PEF1: variants seen among roughly 807,000 people sequenced by gnomAD.
PEF1 encodes the protein peflin.
A neutral mutation model predicts 32.0 loss-of-function variants in PEF1; 17 were observed. The observed-to-expected ratio is 0.53, with a 90% CI of 0.36 to 0.80. The LOEUF is 0.80. PEF1 is among the 30% of genes least tolerant of loss of function. The pLI, the probability that PEF1 is intolerant of heterozygous loss-of-function variation, is 0.00. For missense variants in PEF1, 362 were observed against 369.1 expected (o/e 0.98, Z 0.16); for synonymous variants, 130 against 139.8 (o/e 0.93, Z 0.50).
intron 4 of PEF1, 94 bp downstream of exon 4, chr1:31,632,401 C>T (rs537267100): frequency 7.6e-6 from 12 of 1,588,436 alleles, no homozygotes; most frequent in African/African-American, 5.4e-5. Context: ...GGTGGACATT[C>T]GGTAACAAGA....
chr1:31,635,250 A>G lies in PEF1; in HGVS notation c.297T>C (p.Gly99=). The change falls in exon 2 of 5, where the codon GGT becomes GGC. Residue 99 remains glycine, a synonymous_variant. Coordinates refer to ENST00000373703, the MANE Select transcript of PEF1 (RefSeq NM_012392.4). ...GTCCATAAAGCCCAGGCTGCTGGGC[A>G]CCGTAGGAACTTGGAGGTGGCTGAC... ...PYGQPPPSSY[G]AQQPGLYGQG... 6.2e-7 allele frequency: 1 copy of G among 1,614,156 alleles called. No homozygotes were observed. Among genetic ancestry groups the G allele is most frequent in the Non-Finnish European group, 8.5e-7 (1 of 1,180,016 alleles).
rs998840869 is a variant in PEF1 at position 31,632,604 on chromosome 1, A to G, written c.516T>C (p.Asp172=). 6.2e-6 allele frequency: 10 copies of G among 1,614,066 alleles called. No homozygotes were observed. In the Middle Eastern group the frequency reaches 6.6e-4, roughly 106 times the overall value. The change falls in exon 4 of 5, where the codon GAT becomes GAC. Residue 172 remains aspartate, a synonymous_variant. Coordinates refer to ENST00000373703, the MANE Select transcript of PEF1 (RefSeq NM_012392.4). The part of the protein sequence containing the change: ...MFDKTKSGRI[D]VYGFSALWKF... ...TCCACAGGGCTGAGAAGCCGTAGAC[A>G]TCGATGCGGCCTGACTTGGTCTTGT...
intron 1 of PEF1, among the ~76,000 whole-genome samples, chr1:31,641,934 A>G (rs1640400280): frequency 6.6e-6 from 1 of 152,224 alleles, no homozygotes; most frequent in Admixed American, 6.5e-5. Flanking sequence ...ACCCCATTCT[A>G]AAGAAGGGAA....
At chr1:31,642,157 C>A (rs113230821) in intron 1 of PEF1, among the ~76,000 whole-genome samples, 1 of 152,186 alleles carries the variant, frequency 6.6e-6, no homozygotes, top group Non-Finnish European at 1.5e-5. Context: ...TGCTTGAACC[C>A]GGGAGACGGA....
rs949458541 is a variant in PEF1, at chr1:31,635,516, G to T, written c.31C>A (p.Pro11Thr). MASYPYRQGCPGAAGQAPGAP... is the reference protein window; with the variant it reads MASYPYRQGCTGAAGQAPGAP... Reference sequence around the variant, plus strand: ...CCTGGTGCTTGTCCTGCAGCTCCTGGGCAGCCCTGCAGGAAGAGCAAGATA... The same window carrying T: ...CCTGGTGCTTGTCCTGCAGCTCCTGTGCAGCCCTGCAGGAAGAGCAAGATA... Residue 11 changes from proline (P) to threonine (T), a missense_variant, in exon 2 of 5, where the codon CCA becomes ACA. By Grantham distance (38) the Pro-to-Thr change is conservative (BLOSUM62 -1). Coordinates refer to ENST00000373703, the MANE Select transcript of PEF1 (RefSeq NM_012392.4). The T allele has an allele frequency of 1.3e-6, 2 of 1,512,678 alleles. No individual in the cohort carries two copies. Among genetic ancestry groups the T allele is most frequent in the Non-Finnish European group, 1.8e-6 (2 of 1,130,982 alleles). 93.7% of individuals were successfully genotyped at this position (1,512,678 alleles called of 1,614,324 possible). A position where few individuals can be genotyped will look rare whatever the true frequency, so the allele number is the denominator to read the frequency against.
intron 1 of PEF1, among the ~76,000 whole-genome samples, chr1:31,636,763 G>A (rs932866440): frequency 2.6e-5 from 4 of 152,208 alleles, no homozygotes; most frequent in Non-Finnish European, 5.9e-5. Context: ...AGGCTGTGTG[G>A]AGGGGCTGGG....
At chr1:31,635,547 C>A in intron 1 of PEF1, 25 bp from the exon 2 acceptor site, 2 of 1,504,742 alleles carry the variant, frequency 1.3e-6, no homozygotes, top group South Asian at 2.7e-5. Flanking sequence ...AGATATCAGT[C>A]AGAATGATGA....
At chr1:31,638,942 G>A (rs1164768177) in intron 1 of PEF1, among the ~76,000 whole-genome samples, 1 of 152,224 alleles carries the variant, frequency 6.6e-6, no homozygotes, top group East Asian at 1.9e-4. Flanking sequence ...ACAGATAATT[G>A]TGATACAATC....
intron 4 of PEF1, among the ~76,000 whole-genome samples, chr1:31,631,734 A>G (rs1640109183): frequency 6.6e-6 from 1 of 152,242 alleles, no homozygotes; most frequent in Non-Finnish European, 1.5e-5. Context: ...ACTAATATCC[A>G]CGACAAAAGC....
At chr1:31,639,982 A>G (rs894529748) in intron 1 of PEF1, among the ~76,000 whole-genome samples, 4 of 152,150 alleles carry the variant, frequency 2.6e-5, no homozygotes, top group Admixed American at 2.0e-4. Context: ...GTTCTTTTAC[A>G]CTACTCCATG....
chr1:31,635,235 C>A lies in PEF1; in HGVS notation c.312G>T (p.Gly104=). 6.2e-7 allele frequency: 1 copy of A among 1,614,082 alleles called. No homozygotes were observed. Residue 104 remains glycine (G), a synonymous_variant, in exon 2 of 5, where the codon GGG becomes GGT. Transcript: ENST00000373703. ...PPSSYGAQQP[G]LYGQGGAPPN... ...ATTACTACTTACCCTGTCCATAAAG[C>A]CCAGGCTGCTGGGCACCGTAGGAAC...
At chr1:31,642,006 T>C (rs969599692) in intron 1 of PEF1, among the ~76,000 whole-genome samples, 1 of 152,028 alleles carries the variant, frequency 6.6e-6, no homozygotes, top group Non-Finnish European at 1.5e-5. Context: ...CTGAGGCAGG[T>C]GGATCACCTG....
intron 3 of PEF1, 149 bp downstream of exon 3, chr1:31,633,010 G>C: frequency 2.2e-6 from 2 of 916,516 alleles, no homozygotes; most frequent in Non-Finnish European, 3.3e-6. Flanking sequence ...CAGTCTAGGG[G>C]ATCTCACCCT....
intron 2 of PEF1, 102 bp downstream of exon 2, chr1:31,635,120 C>T: frequency 7.1e-7 from 1 of 1,410,526 alleles, no homozygotes; most frequent in Non-Finnish European, 9.8e-7. Context: ...TGCTAAGGTG[C>T]CAGAGACCAG....
At chr1:31,639,498 G>C (rs1640341401) in intron 1 of PEF1, among the ~76,000 whole-genome samples, 1 of 152,230 alleles carries the variant, frequency 6.6e-6, no homozygotes, top group African/African-American at 2.4e-5. Flanking sequence ...AAAGAGTTTT[G>C]TTGGGGCTTT....
chr1:31,630,387 T>C lies in PEF1; in HGVS notation c.*226A>G. 3.6e-6 allele frequency: 2 copies of C among 562,838 alleles called. No homozygotes were observed. Among genetic ancestry groups the C allele is most frequent in the Non-Finnish European group, 6.3e-6 (2 of 315,080 alleles). The allele number at this position is 562,838 out of a possible 1,614,324, so 34.9% of individuals were successfully genotyped here. A position where few individuals can be genotyped will look rare whatever the true frequency, so the allele number is the denominator to read the frequency against. Reference sequence around the variant, plus strand: ...CATGGCCATCAGGACATTCAACTTCTATCCTCTCCTCCATCAGGCCCCTAT... The same window carrying C: ...CATGGCCATCAGGACATTCAACTTCCATCCTCTCCTCCATCAGGCCCCTAT... On this transcript the variant is annotated 3_prime_UTR_variant, in exon 5 of 5. Transcript: ENST00000373703.
intron 4 of PEF1, 71 bp from the exon 5 acceptor site, chr1:31,630,913 T>C (rs1640083252): frequency 1.6e-6 from 2 of 1,280,590 alleles, no homozygotes; most frequent in Admixed American, 3.9e-5. Flanking sequence ...TCAGGAATAC[T>C]GGATCACAAC....
At position 31,635,203 on chromosome 1, in the gene PEF1, G is replaced by A. The variant is rs2148619699; in HGVS notation, c.325+19C>T. On this transcript the variant is annotated intron_variant, in intron 2 of 4. Transcript: ENST00000373703. ...CAGAACCACGTCAGAGGTACCCGGA[G>A]TCCAAGATTACTACTTACCCTGTCC... 2 of 1,612,192 alleles carry A rather than the reference G, an allele frequency of 1.2e-6. No individual in the cohort carries two copies. The highest frequency in any genetic ancestry group is 1.7e-4 in the Middle Eastern group (1 of 6,052).
chr1:31,644,866 G>C lies in PEF1; in HGVS notation c.-2C>G. 2 of 1,613,852 alleles carry C rather than the reference G, an allele frequency of 1.2e-6. No homozygotes were observed. The highest frequency in any genetic ancestry group is 1.7e-6 in the Non-Finnish European group (2 of 1,179,856). On this transcript the variant is annotated 5_prime_UTR_variant, in exon 1 of 5. Coordinates refer to ENST00000373703, the MANE Select transcript of PEF1 (RefSeq NM_012392.4). ...CTGCCGGTAAGGATAGCTGGCCATG[G>C]TGATTCTGACGTCACACTCAGGCAA...
Sources: allele counts gnomAD v4.1 joint callset (sites outside exome capture counted in the v4.1 genomes callset), GRCh38; gene constraint gnomAD v4.1.1; transcripts MANE v1.5; gene names NCBI Gene and HGNC (gene_info 2026-07-23, HGNC 2026-07-21).